SPEN: variants seen among roughly 807,000 people sequenced by gnomAD.
SPEN encodes the protein msx2-interacting protein.
In SPEN, 18 loss-of-function variants were observed where a neutral mutation model predicts 269.9. That is an observed-to-expected ratio of 0.07 (90% CI 0.05 to 0.10). The LOEUF (loss-of-function observed/expected upper bound fraction) is 0.10, where lower values mean the gene tolerates loss of function less well. SPEN is among the 10% of genes least tolerant of loss of function. The probability of loss-of-function intolerance (pLI) is 1.00; values close to 1 mark genes in which losing one functional copy is unlikely to be tolerated. For missense variants in SPEN, 3,822 were observed against 4,631.2 expected (o/e 0.83, Z 5.07); for synonymous variants, 1,726 against 1,765.7 (o/e 0.98, Z 0.56).
rs139995021 is a variant in SPEN at position 15,876,620 on chromosome 1, A to G, written c.823A>G (p.Arg275Gly). The change falls in exon 3 of 15, where the codon AGA (arginine) becomes GGA (glycine). Residue 275 changes from arginine (R) to glycine (G), a missense_variant. Physicochemically the swap from Arg to Gly is moderately radical, Grantham distance 125. This residue lies in a region of SPEN where 327 missense variants were observed against 350.8 expected (regional missense o/e 0.93). Transcript: ENST00000375759. Reference sequence around the variant, plus strand: ...AAGGTCCCCTAGCGGCAGCGGCTCTAGAAGTAGATCCTCCAGTAGTGATTC... The same window carrying G: ...AAGGTCCCCTAGCGGCAGCGGCTCTGGAAGTAGATCCTCCAGTAGTGATTC... ...PTRSPSGSGS[R>G]SRSSSSDSIS... The G allele has an allele frequency of 1.2e-6, 2 of 1,613,960 alleles. No homozygotes were observed. The highest frequency in any genetic ancestry group is 1.3e-5 in the African/African-American group (1 of 75,048).
intron 1 of SPEN, among the ~76,000 whole-genome samples, chr1:15,869,149 C>T (rs2070547876): frequency 6.6e-6 from 1 of 152,018 alleles, no homozygotes. Context: ...CTCTGCCTCC[C>T]AGGTTCAAGC....
At chr1:15,856,586 G>C (rs1242431634) in intron 1 of SPEN, among the ~76,000 whole-genome samples, 2 of 50,416 alleles carry the variant, frequency 4.0e-5, no homozygotes, top group Non-Finnish European at 7.9e-5. Context: ...TTTTTTTTTT[G>C]AGACAGAGTC....
intron 1 of SPEN, among the ~76,000 whole-genome samples, chr1:15,858,608 G>C (rs2070410198): frequency 2.0e-5 from 3 of 152,164 alleles, no homozygotes; most frequent in South Asian, 2.1e-4. Flanking sequence ...GTTCTTAAGT[G>C]ATGCATGACT....
At chr1:15,883,063 C>G (rs1006181371) in intron 3 of SPEN, among the ~76,000 whole-genome samples, 4 of 152,188 alleles carry the variant, frequency 2.6e-5, no homozygotes, top group African/African-American at 9.7e-5. Flanking sequence ...AATTTTAGAG[C>G]AAGCTTTCTT....
chr1:15,862,163 C>G (rs2070455403), intron 1 of SPEN, among the ~76,000 whole-genome samples: 1 of 152,200 alleles, frequency 6.6e-6, no homozygotes, highest in African/African-American at 2.4e-5. Flanking sequence ...CTGCTAACTT[C>G]AGCTTTGTGT....
chr1:15,938,520 A>T, intron 13 of SPEN, 198 bp from the exon 14 acceptor site: 1 of 530,540 alleles, frequency 1.9e-6, no homozygotes, highest in Non-Finnish European at 3.2e-6. Flanking sequence ...TACAGTTTTT[A>T]AAAATTATTA....
chr1:15,926,716 G>A (rs1207863263), intron 10 of SPEN, among the ~76,000 whole-genome samples: 1 of 142,332 alleles, frequency 7.0e-6, no homozygotes, highest in Admixed American at 7.1e-5. Context: ...TTTTTGAGAT[G>A]GAGTCTCGCT....
At position 15,897,642 on chromosome 1, in the gene SPEN, G is replaced by A. The variant is rs531921207; in HGVS notation, c.882-11679G>A. On this transcript the variant is annotated intron_variant, in intron 3 of 14. Transcript: ENST00000375759. ...CTCTCAAAGTGCTGGGATTACAGGC[G>A]TGGGCCACCACGCCTGGCCTAATTT... Among the ~76,000 whole-genome samples, 28 of 151,282 alleles carry A rather than the reference G, an allele frequency of 1.9e-4. No individual in the cohort carries two copies. In the East Asian group the frequency reaches 2.9e-3, roughly 16 times the overall value.
chr1:15,930,126 C>A lies in SPEN; in HGVS notation c.3886C>A (p.Pro1296Thr). 2 of 1,614,162 alleles carry A rather than the reference C, an allele frequency of 1.2e-6. No individual in the cohort carries two copies. The highest frequency in any genetic ancestry group is 1.7e-6 in the Non-Finnish European group (2 of 1,180,036). ...TCCTAAAGTAGATGAAAAAGTCCTC[C>A]CCTATTCTAACATAACAGTCAGGGA... Reference protein sequence around the residue: ...GSPKVDEKVLPYSNITVREES... With the variant: ...GSPKVDEKVLTYSNITVREES... The change falls in exon 11 of 15, where the codon CCC becomes ACC. Residue 1296 changes from proline to threonine, a missense_variant. Transcript: ENST00000375759. This position sits in a 1 kb window ranked among gnomAD's most constrained non-coding sequence, Gnocchi z 5.3.
At chr1:15,870,087 C>T (rs1404659807) in intron 1 of SPEN, among the ~76,000 whole-genome samples, 1 of 151,984 alleles carries the variant, frequency 6.6e-6, no homozygotes, top group Non-Finnish European at 1.5e-5. Flanking sequence ...CAGGCTGGGT[C>T]TTGAACACAT....
rs148305353 is a variant in SPEN, at chr1:15,896,728, A to G, written c.882-12593A>G. Among the ~76,000 whole-genome samples, 72 of 152,330 alleles carry G rather than the reference A, an allele frequency of 4.7e-4. No homozygotes were observed. In the East Asian group the frequency reaches 0.011, roughly 24 times the overall value. Reference sequence around the variant, plus strand: ...CTTTAGGAAGTGTTATTAGTTGTTTATATCAGCAATAAAGGGTCATTGTAA... The same window carrying G: ...CTTTAGGAAGTGTTATTAGTTGTTTGTATCAGCAATAAAGGGTCATTGTAA... On this transcript the variant is annotated intron_variant, in intron 3 of 14. Coordinates refer to ENST00000375759, the MANE Select transcript of SPEN (RefSeq NM_015001.3).
In SPEN at chr1:15,932,415, C is replaced by T. The variant is rs1039675332; in HGVS notation, c.6175C>T (p.Pro2059Ser). 2 of 1,613,740 alleles carry T rather than the reference C, an allele frequency of 1.2e-6. No individual in the cohort carries two copies. The highest frequency in any genetic ancestry group is 2.7e-5 in the African/African-American group (2 of 74,816). ...GTDKNPPETA[P>S]VEVVEKKPAP... Reference sequence around the variant, plus strand: ...AGACAAAAACCCCCCTGAAACCGCCCCTGTTGAAGTTGTAGAGAAAAAACC... The same window carrying T: ...AGACAAAAACCCCCCTGAAACCGCCTCTGTTGAAGTTGTAGAGAAAAAACC... Residue 2059 changes from proline to serine, a missense_variant, in exon 11 of 15, where the codon CCT becomes TCT. Transcript: ENST00000375759. This position sits in a 1 kb window ranked among gnomAD's most constrained non-coding sequence, Gnocchi z 4.2.
At position 15,929,906 on chromosome 1, in the gene SPEN, T is replaced by C. The variant is rs774635447; in HGVS notation, c.3666T>C (p.Ser1222=). The C allele has an allele frequency of 1.9e-6, 3 of 1,614,098 alleles. No individual in the cohort carries two copies. Among genetic ancestry groups the C allele is most frequent in the Admixed American group, 3.3e-5 (2 of 60,018 alleles). The change falls in exon 11 of 15, where the codon TCT becomes TCC. Residue 1222 remains serine, a synonymous_variant. Coordinates refer to ENST00000375759, the MANE Select transcript of SPEN (RefSeq NM_015001.3). The surrounding 1 kb of genome is among the most constrained non-coding windows in gnomAD (Gnocchi z 5.8). The part of the protein sequence containing the change: ...GKPPQDVTDD[S]PPSKKKRMDH... ...CCCCTCAAGATGTCACTGATGACTC[T>C]CCTCCTAGCAAAAAGAAAAGGATGG...
At chr1:15,854,427 A>G (rs2070365626) in intron 1 of SPEN, among the ~76,000 whole-genome samples, 5 of 152,186 alleles carry the variant, frequency 3.3e-5, no homozygotes, top group Admixed American at 1.3e-4. Context: ...GAATGAAAAT[A>G]GTGTACTCCT....
intron 1 of SPEN, among the ~76,000 whole-genome samples, chr1:15,850,025 A>G (rs1201325617): frequency 6.6e-6 from 1 of 152,198 alleles, no homozygotes; most frequent in Non-Finnish European, 1.5e-5. Flanking sequence ...CCCCTCTGCA[A>G]GATGAGGGGG....
At chr1:15,869,990 T>G (rs2070556712) in intron 1 of SPEN, among the ~76,000 whole-genome samples, 2 of 152,202 alleles carry the variant, frequency 1.3e-5, no homozygotes, top group South Asian at 4.1e-4. Context: ...CGCTTTAGCC[T>G]CCTGAGTAGC....
intron 3 of SPEN, among the ~76,000 whole-genome samples, chr1:15,906,525 CAG>C (rs1328971582): frequency 8.1e-6 from 1 of 123,500 alleles, no homozygotes; most frequent in African/African-American, 3.2e-5. Context: ...GTGGTGTGAT[CAG>C]AGTTTAATGC....
intron 8 of SPEN, 23 bp downstream of exon 8, chr1:15,919,540 T>G: frequency 6.8e-7 from 1 of 1,466,200 alleles, no homozygotes; most frequent in Non-Finnish European, 9.3e-7. Flanking sequence ...TTTTGGTATG[T>G]GGTTCAGACT....
intron 5 of SPEN, among the ~76,000 whole-genome samples, chr1:15,911,845 C>T (rs2071015041): frequency 6.6e-6 from 1 of 152,192 alleles, no homozygotes; most frequent in Admixed American, 6.5e-5. Context: ...CCTGTAATCC[C>T]AGCTACTTGG....
Sources: allele counts gnomAD v4.1 joint callset (sites outside exome capture counted in the v4.1 genomes callset), GRCh38; gene constraint gnomAD v4.1.1; regional missense constraint gnomAD v4.1.1; non-coding constraint Gnocchi (gnomAD v3.1); transcripts MANE v1.5; gene names NCBI Gene and HGNC (gene_info 2026-07-23, HGNC 2026-07-21).